LYG1: variants seen among roughly 807,000 people sequenced by gnomAD.
LYG1 encodes lysozyme g-like protein 1.
A neutral mutation model predicts 21.7 loss-of-function variants in LYG1; 17 were observed. That is an observed-to-expected ratio of 0.78 (90% CI 0.54 to 1.18). The LOEUF (loss-of-function observed/expected upper bound fraction) is 1.18. LYG1 is among the 50% of genes most tolerant of loss of function. LYG1 has a pLI of 0.00. For missense variants in LYG1, 211 were observed against 238.1 expected, an observed-to-expected ratio of 0.89 and a Z score of 0.75; for synonymous variants, 81 against 87.4, an observed-to-expected ratio of 0.93 and a Z score of 0.41.
chr2:99,292,258 C>T (rs984488286), intron 4 of LYG1, among the ~76,000 whole-genome samples: 1 of 152,046 alleles, frequency 6.6e-6, no homozygotes, highest in African/African-American at 2.4e-5. Context: ...GCACTCCAAC[C>T]TGGGCAACAA....
intron 5 of LYG1, among the ~76,000 whole-genome samples, chr2:99,288,691 C>T (rs2094109528): frequency 6.6e-6 from 1 of 152,152 alleles, no homozygotes; most frequent in African/African-American, 2.4e-5. Context: ...GCCTCAGCCT[C>T]CTGCGTAGCT....
At chr2:99,288,743 T>C (rs1258966900) in intron 5 of LYG1, among the ~76,000 whole-genome samples, 1 of 152,168 alleles carries the variant, frequency 6.6e-6, no homozygotes, top group East Asian at 1.9e-4. Context: ...CTGATTTTTG[T>C]ATTTTTAGTA....
intron 2 of LYG1, among the ~76,000 whole-genome samples, chr2:99,296,913 G>T (rs2094138363): frequency 6.6e-6 from 1 of 152,144 alleles, no homozygotes; most frequent in South Asian, 2.1e-4. Context: ...AGCTACTTGG[G>T]AGGCTGAGGC....
chr2:99,298,970 C>T (rs981575813), intron 1 of LYG1, among the ~76,000 whole-genome samples: 2 of 152,170 alleles, frequency 1.3e-5, no homozygotes, highest in South Asian at 2.1e-4. Context: ...CTCACTCTGT[C>T]GCCCAGGCTG....
chr2:99,293,438 A>T (rs192091904), intron 3 of LYG1, among the ~76,000 whole-genome samples: 87 of 152,344 alleles, frequency 5.7e-4, no homozygotes, highest in Middle Eastern at 3.4e-3. Flanking sequence ...AAAGTAAGGC[A>T]CTGCTCGTAA....
At chr2:99,291,173 CA>C in intron 5 of LYG1, 63 bp downstream of exon 5, 3 of 1,522,552 alleles carry the variant, frequency 2.0e-6, no homozygotes, top group African/African-American at 1.4e-5. Context: ...TGCCATCATC[CA>C]AAAAACAAAG....
chr2:99,284,522 T>C lies in LYG1; in HGVS notation c.467-11A>G. On this transcript the variant is annotated splice_polypyrimidine_tract_variant and intron_variant, in intron 6 of 6. Coordinates refer to ENST00000308528, the MANE Select transcript of LYG1 (RefSeq NM_174898.3). ...AGGCACAGAGTCCACCTGAAATGCATGAGATAGGTTAATGCTGACCTAGGG... is the reference window on the plus strand; with the variant it reads ...AGGCACAGAGTCCACCTGAAATGCACGAGATAGGTTAATGCTGACCTAGGG... The C allele has an allele frequency of 6.2e-7, 1 of 1,613,548 alleles. No homozygotes were observed. The highest frequency in any genetic ancestry group is 2.2e-5 in the East Asian group (1 of 44,880).
intron 3 of LYG1, among the ~76,000 whole-genome samples, chr2:99,294,130 T>A (rs986688955): frequency 4.6e-5 from 7 of 152,082 alleles, no homozygotes; most frequent in Admixed American, 3.3e-4. Flanking sequence ...CCCAGGCTGG[T>A]CTCAAACTCC....
chr2:99,291,146 T>C lies in LYG1; in HGVS notation c.333+91A>G. The C allele has an allele frequency of 2.4e-6, 3 of 1,247,806 alleles. No individual in the cohort carries two copies. The South Asian group carries it at 4.2e-5, about 17-fold the overall frequency. 77.3% of individuals were successfully genotyped at this position (1,247,806 alleles called of 1,614,324 possible). Reference sequence around the variant, plus strand: ...CAGCTCTAGAGACCTTCATTCATGCTGTGTTCTGTGAAGCTTTGCCATCAT... The same window carrying C: ...CAGCTCTAGAGACCTTCATTCATGCCGTGTTCTGTGAAGCTTTGCCATCAT... On this transcript the variant is annotated intron_variant, in intron 5 of 6. Coordinates refer to ENST00000308528, the MANE Select transcript of LYG1 (RefSeq NM_174898.3).
At position 99,284,339 on chromosome 2, in the gene LYG1, G is replaced by T; in HGVS notation, c.*54C>A. 6.6e-7 allele frequency: 1 copy of T among 1,514,754 alleles called. No homozygotes were observed. The highest frequency in any genetic ancestry group is 1.7e-5 in the Admixed American group (1 of 58,186). 93.8% of individuals were successfully genotyped at this position (1,514,754 alleles called of 1,614,324 possible). A position where few individuals can be genotyped will look rare whatever the true frequency, so the allele number is the denominator to read the frequency against. ...CAGGTGCCCTTGGCTAGTTTTATCT[G>T]TGTAACATTTGAGGCTGCATATGTG... is the stretch of plus-strand genomic sequence containing the variant. On this transcript the variant is annotated 3_prime_UTR_variant, in exon 7 of 7. Transcript: ENST00000308528.
chr2:99,295,952 T>A (rs1020785131), intron 2 of LYG1, among the ~76,000 whole-genome samples: 9 of 151,956 alleles, frequency 5.9e-5, no homozygotes, highest in Non-Finnish European at 1.3e-4. Flanking sequence ...ACAGTCAAGT[T>A]ACTAACTACT....
At chr2:99,302,119 G>A (rs1026430230), upstream of LYG1, among the ~76,000 whole-genome samples, 2 of 152,112 alleles carry the variant, frequency 1.3e-5, no homozygotes, top group African/African-American at 4.8e-5. Flanking sequence ...AAACCCTCAG[G>A]GACAGGGGCT....
At chr2:99,290,084 C>T (rs2094114105) in intron 5 of LYG1, among the ~76,000 whole-genome samples, 2 of 152,162 alleles carry the variant, frequency 1.3e-5, no homozygotes, top group Non-Finnish European at 1.5e-5. Context: ...TCTCGCACTC[C>T]TGACCTCATG....
rs1412489910 is a variant in LYG1 at position 99,284,492 on chromosome 2, A to G, written c.486T>C (p.Ser162=). 1 of 1,614,110 alleles carries G rather than the reference A, an allele frequency of 6.2e-7. No individual in the cohort carries two copies. Residue 162 remains serine, a synonymous_variant, in exon 7 of 7, where the codon AGT becomes AGC. Coordinates refer to ENST00000308528, the MANE Select transcript of LYG1 (RefSeq NM_174898.3). ...QYLRGGLCAY[S]GGAGYVRSSQ... The stretch of plus-strand genomic sequence containing the variant: ...TGCTTCGGACATAGCCAGCACCCCC[A>G]CTGTAGGCACAGAGTCCACCTGAAA...
At position 99,284,875 on chromosome 2, in the gene LYG1, G is replaced by A. The variant is rs1178506451; in HGVS notation, c.334-55C>T. ...CGTAAGCTGGGTGGGAGGGTGATCC[G>A]GCTTACTGGGCTCAATGGCGCTTGT... On this transcript the variant is annotated intron_variant, in intron 5 of 6. Coordinates refer to ENST00000308528, the MANE Select transcript of LYG1 (RefSeq NM_174898.3). 21 of 1,593,532 alleles carry A rather than the reference G, an allele frequency of 1.3e-5. No individual in the cohort carries two copies. In the South Asian group the frequency reaches 1.5e-4, roughly 11 times the overall value.
intron 2 of LYG1, among the ~76,000 whole-genome samples, chr2:99,297,896 T>G (rs1352495321): frequency 6.6e-6 from 1 of 152,104 alleles, no homozygotes; most frequent in African/African-American, 2.4e-5. Context: ...TTAGTTTTTA[T>G]GTAGAAATGG....
intron 1 of LYG1, among the ~76,000 whole-genome samples, 170 bp from the exon 2 acceptor site, chr2:99,298,719 GC>G (rs2094144769): frequency 6.6e-6 from 1 of 151,996 alleles, no homozygotes; most frequent in Non-Finnish European, 1.5e-5. Context: ...CAATGAAGGT[GC>G]CCCTGCCCCA....
At chr2:99,295,825 G>T in intron 2 of LYG1, 123 bp from the exon 3 acceptor site, 2 of 909,172 alleles carry the variant, frequency 2.2e-6, no homozygotes, top group South Asian at 3.2e-5. Context: ...CTAAGAAAAT[G>T]AATTATTTGA....
intron 3 of LYG1, among the ~76,000 whole-genome samples, chr2:99,293,595 C>T (rs1198423765): frequency 6.6e-6 from 1 of 152,214 alleles, no homozygotes; most frequent in Non-Finnish European, 1.5e-5. Context: ...ATCTCTTTCT[C>T]CTTTCCATCT....
Sources: allele counts gnomAD v4.1 joint callset (sites outside exome capture counted in the v4.1 genomes callset), GRCh38; gene constraint gnomAD v4.1.1; transcripts MANE v1.5; gene names NCBI Gene and HGNC (gene_info 2026-07-23, HGNC 2026-07-21).